Variants in WWOX observed in about 807,000 individuals in gnomAD.
WWOX encodes the protein WW domain-containing oxidoreductase.
WWOX carries 69 observed loss-of-function variants against 46.2 expected under a neutral mutation model. The ratio of observed to expected loss-of-function variants is 1.49; its 90% confidence interval spans 1.23 to 1.82. WWOX has a LOEUF of 1.82. WWOX is among the 40% of genes most tolerant of loss of function. WWOX has a pLI of 0.00. For synonymous variants in WWOX, 359 were observed against 202.6 expected (o/e 1.77, Z -6.56); for missense variants, 919 against 542.6 (o/e 1.69, Z -6.89).
At chr16:79,193,071 T>C (rs1171932788) in intron 8 of WWOX, among the ~76,000 whole-genome samples, 2 of 152,230 alleles carry the variant, frequency 1.3e-5, no homozygotes, top group Admixed American at 6.5e-5. Context: ...CTCTACGATC[T>C]TTGACCTCTG....
chr16:79,126,808 A>G (rs1015260682), intron 8 of WWOX, among the ~76,000 whole-genome samples: 3 of 152,154 alleles, frequency 2.0e-5, no homozygotes, highest in African/African-American at 4.8e-5. Context: ...GAATGACTGG[A>G]TGTCCTATAG....
intron 6 of WWOX, among the ~76,000 whole-genome samples, chr16:78,397,200 T>C (rs1336249147): frequency 2.7e-5 from 4 of 150,662 alleles, no homozygotes; most frequent in African/African-American, 7.3e-5. Context: ...AATATTACCA[T>C]ATAGGGAAGC....
In WWOX at chr16:79,154,694, G is replaced by A. The variant is rs142340430; in HGVS notation, c.1057-56914G>A. Among the ~76,000 whole-genome samples the A allele has an allele frequency of 2.0e-4, 30 of 152,284 alleles. No homozygotes were observed. In the East Asian group the frequency reaches 5.8e-3, roughly 29 times the overall value. On this transcript the variant is annotated intron_variant, in intron 8 of 8. Coordinates refer to ENST00000566780, the MANE Select transcript of WWOX (RefSeq NM_016373.4). ...GTAAAACAACCACGTTTGGTAAACT[G>A]TTAATCACTTTCATAGTGTATGTGG...
At chr16:78,748,781 C>G (rs2049409412) in intron 8 of WWOX, among the ~76,000 whole-genome samples, 1 of 152,232 alleles carries the variant, frequency 6.6e-6, no homozygotes, top group African/African-American at 2.4e-5. Flanking sequence ...ATTACATCTG[C>G]ATGCGTCTTG....
chr16:78,759,565 C>A (rs1344307144), intron 8 of WWOX, among the ~76,000 whole-genome samples: 1 of 152,034 alleles, frequency 6.6e-6, no homozygotes, highest in African/African-American at 2.4e-5. Flanking sequence ...CTCATTGAAT[C>A]CTTTAAACTA....
chr16:78,476,445 G>A (rs1384028835), intron 8 of WWOX, among the ~76,000 whole-genome samples: 2 of 152,086 alleles, frequency 1.3e-5, no homozygotes, highest in African/African-American at 2.4e-5. Flanking sequence ...ATCACACACC[G>A]GGGCCTGTTG....
chr16:78,555,723 A>T (rs59588435), intron 8 of WWOX, among the ~76,000 whole-genome samples: 6 of 152,072 alleles, frequency 3.9e-5, no homozygotes, highest in African/African-American at 1.5e-4. Context: ...CTGCAGTTCC[A>T]AATGACTCCA....
chr16:79,113,351 C>G lies in WWOX; in HGVS notation c.1057-98257C>G, dbSNP rs56084856. On this transcript the variant is annotated intron_variant, in intron 8 of 8. Coordinates refer to ENST00000566780, the MANE Select transcript of WWOX (RefSeq NM_016373.4). The stretch of plus-strand genomic sequence containing the variant: ...GAACATGCCGTCTCTGAGTTATGCC[C>G]CATCAGGGGGCAAAGAAACTGGAGT... Among the ~76,000 whole-genome samples, 1,215 of 152,262 alleles carry G rather than the reference C, an allele frequency of 8.0e-3. 20 individuals carry two copies. Among genetic ancestry groups the G allele is most frequent in the African/African-American group, 0.028 (1,146 of 41,528 alleles).
chr16:78,351,900 G>A (rs146275046), intron 5 of WWOX, among the ~76,000 whole-genome samples: 14 of 152,284 alleles, frequency 9.2e-5, no homozygotes, highest in Admixed American at 5.9e-4. Flanking sequence ...TAGGTGATAT[G>A]CGCCCCTCAG....
intron 8 of WWOX, among the ~76,000 whole-genome samples, chr16:78,507,304 T>C (rs182011680): frequency 6.6e-6 from 1 of 152,192 alleles, no homozygotes; most frequent in African/African-American, 2.4e-5. Context: ...ACATTCAAAA[T>C]GTAAATTGTG....
chr16:78,914,670 G>A (rs954493090), intron 8 of WWOX, among the ~76,000 whole-genome samples: 3 of 151,720 alleles, frequency 2.0e-5, no homozygotes, highest in African/African-American at 7.3e-5. Flanking sequence ...ACGAGGTCAG[G>A]AGATCCAGAC....
At chr16:79,072,837 T>A (rs1238431010) in intron 8 of WWOX, among the ~76,000 whole-genome samples, 2 of 152,216 alleles carry the variant, frequency 1.3e-5, no homozygotes, top group Non-Finnish European at 2.9e-5. Flanking sequence ...TTCAAATGCA[T>A]GTCTTTAGAA....
chr16:78,680,040 C>T (rs770797611), intron 8 of WWOX, among the ~76,000 whole-genome samples: 29 of 152,320 alleles, frequency 1.9e-4, no homozygotes, highest in South Asian at 4.1e-4. Flanking sequence ...CCTCTGCAAG[C>T]CTCAGTTTTC....
intron 8 of WWOX, among the ~76,000 whole-genome samples, chr16:78,578,126 A>G (rs1008366329): frequency 6.6e-6 from 1 of 151,320 alleles, no homozygotes; most frequent in Non-Finnish European, 1.5e-5. Context: ...ACAAGACACT[A>G]TGCACTAATT....
chr16:78,213,469 G>A (rs940245991), intron 5 of WWOX, among the ~76,000 whole-genome samples: 5 of 151,622 alleles, frequency 3.3e-5, no homozygotes, highest in Middle Eastern at 3.2e-3. Context: ...GTCCTACTGT[G>A]TGCCCTAAAG....
chr16:79,147,916 A>G (rs1000214160), intron 8 of WWOX, among the ~76,000 whole-genome samples: 3 of 151,872 alleles, frequency 2.0e-5, no homozygotes, highest in Admixed American at 6.6e-5. Context: ...CTCATTTTCT[A>G]TTTGAATTGT....
intron 8 of WWOX, among the ~76,000 whole-genome samples, chr16:79,152,930 C>T (rs546892071): frequency 1.1e-4 from 16 of 152,064 alleles, no homozygotes; most frequent in African/African-American, 1.9e-4. Context: ...GTCTAGGAGA[C>T]GGTGGAAAGA....
At chr16:78,500,673 A>C (rs1401983057) in intron 8 of WWOX, among the ~76,000 whole-genome samples, 1 of 152,214 alleles carries the variant, frequency 6.6e-6, no homozygotes, top group Non-Finnish European at 1.5e-5. Context: ...GGTTATTCCA[A>C]GCAGTCTTCC....
At chr16:78,430,454 C>G (rs1265576088) in intron 7 of WWOX, among the ~76,000 whole-genome samples, 1 of 152,154 alleles carries the variant, frequency 6.6e-6, no homozygotes, top group African/African-American at 2.4e-5. Context: ...TTTCTAGGCT[C>G]AGATAATTAT....
Sources: allele counts gnomAD v4.1 joint callset (sites outside exome capture counted in the v4.1 genomes callset), GRCh38; gene constraint gnomAD v4.1.1; transcripts MANE v1.5; gene names NCBI Gene and HGNC (gene_info 2026-07-23, HGNC 2026-07-21).